The following NCOA1 variants were observed in gnomAD, a reference collection of about 807,000 sequenced individuals.
NCOA1 encodes the protein Hin-2 protein.
Under a neutral mutation model 150.9 loss-of-function variants are expected in NCOA1, and 35 were observed. That is an observed-to-expected ratio of 0.23 (90% CI 0.18 to 0.31). The LOEUF is 0.31. NCOA1 is among the 10% of genes least tolerant of loss of function. The pLI is 1.00. For missense variants in NCOA1, 1,491 were observed against 1,749.3 expected, an observed-to-expected ratio of 0.85 and a Z score of 2.63; for synonymous variants, 590 against 630.0, an observed-to-expected ratio of 0.94 and a Z score of 0.95.
chr2:24,668,235 A>G (rs185189786), intron 6 of NCOA1, among the ~76,000 whole-genome samples: 135 of 152,320 alleles, frequency 8.9e-4, no homozygotes, highest in Non-Finnish European at 1.4e-3. Flanking sequence ...AATAGAACAA[A>G]TGGAAGGGAA....
intron 1 of NCOA1, among the ~76,000 whole-genome samples, chr2:24,542,311 A>G (rs1410880808): frequency 2.0e-5 from 3 of 152,208 alleles, no homozygotes; most frequent in African/African-American, 7.2e-5. Flanking sequence ...TTCAAGGATA[A>G]GAGGGAAAAT....
chr2:24,718,995 T>TTCCA (rs1674212428), intron 14 of NCOA1, among the ~76,000 whole-genome samples: 1 of 129,646 alleles, frequency 7.7e-6, no homozygotes, highest in Non-Finnish European at 1.6e-5. Context: ...CACCATTGCA[T>TTCCA]TCCAGCCTGT....
intron 1 of NCOA1, among the ~76,000 whole-genome samples, chr2:24,548,106 T>C (rs556502156): frequency 6.8e-4 from 103 of 152,270 alleles, no homozygotes; most frequent in Non-Finnish European, 1.2e-3. Flanking sequence ...TTACTCTGTT[T>C]TCTTACTGCT....
At chr2:24,607,788 A>G (rs377637811) in intron 3 of NCOA1, among the ~76,000 whole-genome samples, 25 of 152,202 alleles carry the variant, frequency 1.6e-4, no homozygotes, top group East Asian at 1.2e-3. Flanking sequence ...TGGGGAATGA[A>G]TATTTTCTCT....
intron 3 of NCOA1, among the ~76,000 whole-genome samples, chr2:24,596,511 C>T (rs888801681): frequency 2.3e-4 from 35 of 151,982 alleles, no homozygotes; most frequent in Non-Finnish European, 4.1e-4. Flanking sequence ...CAAAAAAAAT[C>T]TTTGTTTTAT....
chr2:24,602,676 A>T (rs1668176868), intron 3 of NCOA1, among the ~76,000 whole-genome samples: 1 of 152,074 alleles, frequency 6.6e-6, no homozygotes, highest in Non-Finnish European at 1.5e-5. Flanking sequence ...TTATTTAAAT[A>T]AAACGTTTTA....
intron 14 of NCOA1, among the ~76,000 whole-genome samples, chr2:24,713,528 G>C (rs1673865658): frequency 6.6e-6 from 1 of 152,190 alleles, no homozygotes; most frequent in Non-Finnish European, 1.5e-5. Flanking sequence ...GGAACTAGAA[G>C]ACATTTATGA....
rs188381467 is a variant in NCOA1 at position 24,580,674 on chromosome 2, A to G, written c.-259-3802A>G. ...ATCTTGCTTTGTTTTTGAGACTCTC[A>G]GTTATTTTGTTGTTTCAAGTATGTC... On this transcript the variant is annotated intron_variant, in intron 2 of 22. Coordinates refer to ENST00000348332, the MANE Select transcript of NCOA1 (RefSeq NM_003743.5). 1.9e-3 allele frequency among the ~76,000 whole-genome samples: 288 copies of G among 151,822 alleles called. 1 individual carries two copies. The highest frequency in any genetic ancestry group is 6.9e-3 in the African/African-American group (286 of 41,378).
intron 14 of NCOA1, among the ~76,000 whole-genome samples, chr2:24,716,101 G>A (rs554202667): frequency 2.8e-5 from 4 of 142,954 alleles, no homozygotes; most frequent in South Asian, 4.4e-4. Context: ...CCGAGATTGC[G>A]CCACTGCACT....
intron 20 of NCOA1, among the ~76,000 whole-genome samples, chr2:24,757,677 TAGA>T (rs1664568615): frequency 6.7e-6 from 1 of 149,940 alleles, no homozygotes; most frequent in Non-Finnish European, 1.5e-5. Flanking sequence ...GTCAGTTACC[TAGA>T]AGATTTACTT....
At chr2:24,579,953 C>T (rs573012873) in intron 2 of NCOA1, among the ~76,000 whole-genome samples, 2 of 152,274 alleles carry the variant, frequency 1.3e-5, no homozygotes, top group African/African-American at 4.8e-5. Context: ...CAGTGTTTGA[C>T]ATTGAGTCCC....
At chr2:24,701,315 G>T (rs1184435238) in intron 11 of NCOA1, among the ~76,000 whole-genome samples, 1 of 151,920 alleles carries the variant, frequency 6.6e-6, no homozygotes, top group East Asian at 1.9e-4. Context: ...ACCAGCTTGG[G>T]CAACATGGCG....
intron 3 of NCOA1, among the ~76,000 whole-genome samples, chr2:24,606,023 A>G (rs987254933): frequency 4.6e-5 from 7 of 152,156 alleles, no homozygotes; most frequent in African/African-American, 9.7e-5. Context: ...ACAGATATCT[A>G]CAGTACATTC....
At chr2:24,675,847 T>G (rs999835227) in intron 7 of NCOA1, among the ~76,000 whole-genome samples, 1 of 152,172 alleles carries the variant, frequency 6.6e-6, no homozygotes, top group Non-Finnish European at 1.5e-5. Flanking sequence ...ATTGCACCAT[T>G]GCACTCCAGC....
chr2:24,630,312 T>C (rs1669649890), intron 3 of NCOA1, among the ~76,000 whole-genome samples: 1 of 152,226 alleles, frequency 6.6e-6, no homozygotes, highest in Non-Finnish European at 1.5e-5. Context: ...ACTGTCTTGG[T>C]TATAAGAAGG....
intron 1 of NCOA1, among the ~76,000 whole-genome samples, chr2:24,540,407 G>A (rs1665337546): frequency 6.6e-6 from 1 of 151,832 alleles, no homozygotes. Context: ...AGTCTTTTTG[G>A]TGCCAAGATG....
chr2:24,633,738 G>C (rs1368477447), intron 3 of NCOA1, among the ~76,000 whole-genome samples: 1 of 152,182 alleles, frequency 6.6e-6, no homozygotes, highest in Non-Finnish European at 1.5e-5. Context: ...ACACACTCTG[G>C]GGGAAGTCTG....
intron 14 of NCOA1, among the ~76,000 whole-genome samples, chr2:24,714,944 C>T (rs1365794194): frequency 2.0e-5 from 3 of 151,886 alleles, no homozygotes; most frequent in African/African-American, 7.3e-5. Flanking sequence ...AAAAATGACA[C>T]ATTATGTCAG....
At chr2:24,673,543 T>A in intron 7 of NCOA1, 80 bp downstream of exon 7, 1 of 787,646 alleles carries the variant, frequency 1.3e-6, no homozygotes, top group Non-Finnish European at 2.1e-6. Flanking sequence ...AAATGCCTTA[T>A]ATCCAGTTAA....
Sources: gnomAD v4.1 joint callset for allele counts (sites outside exome capture counted in the v4.1 genomes callset) on GRCh38, gnomAD v4.1.1 for gene constraint, MANE v1.5 for transcripts, NCBI Gene and HGNC (gene_info 2026-07-23, HGNC 2026-07-21) for gene names.